Variants in VWA2 observed in about 807,000 individuals in gnomAD.
VWA2 encodes the protein von Willebrand factor A domain-containing protein 2.
VWA2 carries 73 observed loss-of-function variants against 70.4 expected under a neutral mutation model. That is an observed-to-expected ratio of 1.04 (90% CI 0.86 to 1.26). VWA2 has a LOEUF of 1.26. Among genes scored for constraint, VWA2 ranks in the 50% most tolerant of loss-of-function variants. VWA2 has a pLI of 0.00. For missense variants in VWA2, 1,011 were observed against 998.5 expected (o/e 1.01, Z -0.17); for synonymous variants, 407 against 423.3 (o/e 0.96, Z 0.47).
chr10:114,249,574 G>C (rs939742330), intron 2 of VWA2, among the ~76,000 whole-genome samples: 4 of 152,202 alleles, frequency 2.6e-5, no homozygotes, highest in African/African-American at 9.6e-5. Flanking sequence ...CCACTTGTAA[G>C]TGAGAATATG....
At chr10:114,255,108 C>A (rs2037295375) in intron 4 of VWA2, 60 bp downstream of exon 4, 4 of 1,591,216 alleles carry the variant, frequency 2.5e-6, no homozygotes, top group Admixed American at 1.7e-5. Flanking sequence ...GGGACAGAAA[C>A]CCGGTCTCAA....
Position 114,293,238 on chromosome 10 carries a change from G to A in VWA2, c.*2001G>A, listed in dbSNP as rs985849853. On this transcript the variant is annotated 3_prime_UTR_variant, in exon 14 of 14. Transcript: ENST00000392982. ...TATGCTGCCCTTCACAGAAGACAAC[G>A]TCCGGGGCAGGATCACATGCTCCCT... Among the ~76,000 whole-genome samples, 3 of 152,176 alleles carry A rather than the reference G, an allele frequency of 2.0e-5. No individual in the cohort carries two copies. Among genetic ancestry groups the A allele is most frequent in the Admixed American group, 2.0e-4 (3 of 15,284 alleles).
chr10:114,244,919 C>T (rs919162545), intron 1 of VWA2, among the ~76,000 whole-genome samples: 1 of 152,222 alleles, frequency 6.6e-6, no homozygotes, highest in East Asian at 1.9e-4. Flanking sequence ...AGGACCTCCC[C>T]TACTATACAT....
At chr10:114,282,013 T>C (rs1272322717) in intron 8 of VWA2, among the ~76,000 whole-genome samples, 2 of 117,208 alleles carry the variant, frequency 1.7e-5, no homozygotes, top group Non-Finnish European at 3.6e-5. Flanking sequence ...CCAGCTTATG[T>C]TACCTTTTTT....
chr10:114,260,414 T>C lies in VWA2; in HGVS notation c.262-772T>C, dbSNP rs551804928. On this transcript the variant is annotated intron_variant, in intron 4 of 13. Coordinates refer to ENST00000392982, the MANE Select transcript of VWA2 (RefSeq NM_001272046.2). ...AGTCGTTTCAGTTGTAGATGCTGAT[T>C]GTCCCCCAAATCTGACTGTGGTCTA... Among the ~76,000 whole-genome samples, 10 of 152,356 alleles carry C rather than the reference T, an allele frequency of 6.6e-5. No homozygotes were observed. The East Asian group carries it at 1.9e-3, about 29-fold the overall frequency.
chr10:114,266,170 G>A (rs935636303), intron 5 of VWA2, among the ~76,000 whole-genome samples: 4 of 151,918 alleles, frequency 2.6e-5, no homozygotes, highest in South Asian at 2.1e-4. Flanking sequence ...GGTGGCGGGC[G>A]CCTGTAGTCC....
rs1180321265 is a variant in VWA2 at position 114,286,137 on chromosome 10, A to G, written c.1196A>G (p.Glu399Gly). The change falls in exon 11 of 14, where the codon GAG (glutamate) becomes GGG (glycine). Residue 399 changes from glutamate (E) to glycine (G), a missense_variant. Glu to Gly is a moderately conservative substitution (Grantham distance 98). Coordinates refer to ENST00000392982, the MANE Select transcript of VWA2 (RefSeq NM_001272046.2). ...CTGCTGGTGGCGGTGCCTGTGGGGG[A>G]GTACCAGGATGTGCCTGACCTGGTC... ...RELLVAVPVGEYQDVPDLVWS... is the reference protein window; with the variant it reads ...RELLVAVPVGGYQDVPDLVWS... 2 of 1,613,972 alleles carry G rather than the reference A, an allele frequency of 1.2e-6. No individual in the cohort carries two copies. Among genetic ancestry groups the G allele is most frequent in the Non-Finnish European group, 1.7e-6 (2 of 1,180,002 alleles).
chr10:114,245,553 G>T (rs1186227599), intron 1 of VWA2, among the ~76,000 whole-genome samples: 2 of 152,166 alleles, frequency 1.3e-5, no homozygotes, highest in Non-Finnish European at 2.9e-5. Context: ...GCCATTGCCT[G>T]ACTCACAGGC....
chr10:114,280,571 G>T (rs1214569251), intron 8 of VWA2, among the ~76,000 whole-genome samples: 1 of 152,092 alleles, frequency 6.6e-6, no homozygotes, highest in African/African-American at 2.4e-5. Context: ...AAGCCCTGTT[G>T]GTAGTGTCTG....
At chr10:114,267,055 G>A (rs2037585256) in intron 5 of VWA2, among the ~76,000 whole-genome samples, 1 of 151,906 alleles carries the variant, frequency 6.6e-6, no homozygotes, top group Admixed American at 6.6e-5. Context: ...CAGAATTTTT[G>A]TCTATTGCTG....
chr10:114,288,719 G>A (rs575544965), intron 11 of VWA2, among the ~76,000 whole-genome samples: 5 of 152,358 alleles, frequency 3.3e-5, no homozygotes, highest in Admixed American at 2.0e-4. Flanking sequence ...CTAGCTGCCA[G>A]GAAGTCTGGG....
chr10:114,271,229 G>A (rs868213029), intron 5 of VWA2, among the ~76,000 whole-genome samples: 13 of 152,182 alleles, frequency 8.5e-5, no homozygotes, highest in African/African-American at 2.9e-4. Context: ...TGAAAAAAAA[G>A]TAAGTAAATT....
intron 5 of VWA2, among the ~76,000 whole-genome samples, chr10:114,266,733 A>G (rs1327537283): frequency 6.6e-6 from 1 of 152,070 alleles, no homozygotes; most frequent in East Asian, 1.9e-4. Flanking sequence ...TCTCATAGTA[A>G]CACAACCCTG....
intron 1 of VWA2, among the ~76,000 whole-genome samples, chr10:114,244,633 T>A (rs1196525678): frequency 2.6e-5 from 4 of 151,386 alleles, no homozygotes; most frequent in Admixed American, 2.0e-4. Flanking sequence ...ATTCACCCTT[T>A]AAAAAAAAAG....
chr10:114,277,368 G>C (rs11196678), intron 6 of VWA2, among the ~76,000 whole-genome samples: 6 of 151,614 alleles, frequency 4.0e-5, no homozygotes, highest in African/African-American at 1.5e-4. Flanking sequence ...ATTTTTAGTA[G>C]AGATGGGGTT....
intron 4 of VWA2, among the ~76,000 whole-genome samples, chr10:114,258,252 G>A (rs1449390662): frequency 2.0e-5 from 3 of 152,104 alleles, no homozygotes; most frequent in African/African-American, 4.8e-5. Context: ...CATTTCATTC[G>A]TGCCATGTTT....
rs376018496 is a variant in VWA2, at chr10:114,286,145, G to A, written c.1204G>A (p.Asp402Asn). The A allele has an allele frequency of 1.7e-5, 28 of 1,614,018 alleles. No individual in the cohort carries two copies. The highest frequency in any genetic ancestry group is 2.2e-5 in the Non-Finnish European group (26 of 1,180,040). Residue 402 changes from aspartate (D) to asparagine (N), a missense_variant, in exon 11 of 14, where the codon GAT (aspartate) becomes AAT (asparagine). By Grantham distance (23) the Asp-to-Asn change is conservative. Transcript: ENST00000392982. Reference protein sequence around the residue: ...LVAVPVGEYQDVPDLVWSLDG... With the variant: ...LVAVPVGEYQNVPDLVWSLDG... ...GGCGGTGCCTGTGGGGGAGTACCAGGATGTGCCTGACCTGGTCTGGAGCCT... is the reference window on the plus strand; with the variant it reads ...GGCGGTGCCTGTGGGGGAGTACCAGAATGTGCCTGACCTGGTCTGGAGCCT...
Position 114,277,925 on chromosome 10 carries a change from T to C in VWA2, c.578T>C (p.Leu193Pro), listed in dbSNP as rs1447453727. Reference protein sequence around the residue: ...VGVRFPRWEELHALASEPRGQ... With the variant: ...VGVRFPRWEEPHALASEPRGQ... ...ACCCCTTGGCACAGGTGGGAGGAGC[T>C]GCATGCACTGGCCAGCGAGCCTAGA... Residue 193 changes from leucine to proline, a missense_variant, in exon 7 of 14, where the codon CTG becomes CCG. Coordinates refer to ENST00000392982, the MANE Select transcript of VWA2 (RefSeq NM_001272046.2). The C allele has an allele frequency of 2.5e-6, 4 of 1,608,976 alleles. No individual in the cohort carries two copies. In the African/African-American group the frequency reaches 5.3e-5, roughly 22 times the overall value.
chr10:114,278,054 T>C lies in VWA2; in HGVS notation c.700+7T>C, dbSNP rs766828773. On this transcript the variant is annotated splice_region_variant and intron_variant, in intron 7 of 13. Transcript: ENST00000392982. ...TGCTCCAGCGCCACGCCAGGTAAGA[T>C]CTTCCAGCCTGGAGGGAGTGGAAGT... 9.3e-6 allele frequency: 15 copies of C among 1,607,246 alleles called. No individual in the cohort carries two copies. The African/African-American group carries it at 1.9e-4, about 20-fold the overall frequency.
Sources: gnomAD v4.1 joint callset for allele counts (sites outside exome capture counted in the v4.1 genomes callset) on GRCh38, gnomAD v4.1.1 for gene constraint, MANE v1.5 for transcripts, NCBI Gene and HGNC (gene_info 2026-07-23, HGNC 2026-07-21) for gene names.